The following VSIG1 variants were observed in gnomAD, a reference collection of about 807,000 sequenced individuals.
VSIG1 encodes V-set and immunoglobulin domain containing 1, also known as V-set and immunoglobulin domain-containing protein 1.
In VSIG1, 11 loss-of-function variants were observed where a neutral mutation model predicts 20.1. That is an observed-to-expected ratio of 0.55 (90% CI 0.34 to 0.91). The LOEUF (loss-of-function observed/expected upper bound fraction) is 0.91, where lower values mean the gene tolerates loss of function less well. VSIG1 is among the 40% of genes least tolerant of loss of function. The pLI, the probability that VSIG1 is intolerant of heterozygous loss-of-function variation, is 0.02. For missense variants in VSIG1, 283 were observed against 298.8 expected (o/e 0.95, Z 0.39); for synonymous variants, 126 against 116.7 (o/e 1.08, Z -0.52).
At chrX:108,044,270 A>C (rs1413603558), upstream of VSIG1, among the ~76,000 whole-genome samples, 1 of 111,616 alleles carries the variant, frequency 9.0e-6, no homozygotes, top group Non-Finnish European at 1.9e-5. Context: ...TAATAGGAAC[A>C]CTATTAGAAG....
At chrX:108,035,857 G>A in the VSIG1 span, among the ~76,000 whole-genome samples, 1 of 108,402 alleles carries the variant, frequency 9.2e-6, no homozygotes, top group Admixed American at 1.0e-4. Flanking sequence ...CACATAATGG[G>A]TAAGGGCATG....
At chrX:108,072,239 C>T (rs890027077) in intron 3 of VSIG1, among the ~76,000 whole-genome samples, 1 of 110,010 alleles carries the variant, frequency 9.1e-6, no homozygotes, top group African/African-American at 3.3e-5. Context: ...AAACTGCCAA[C>T]ATACATTTTA....
At chrX:108,054,338 C>T (rs758840495) in intron 1 of VSIG1, among the ~76,000 whole-genome samples, 5 of 111,254 alleles carry the variant, frequency 4.5e-5, no homozygotes, top group Non-Finnish European at 9.5e-5. Flanking sequence ...ATTCAATACC[C>T]CCTCTCAGAA....
intron 1 of VSIG1, among the ~76,000 whole-genome samples, chrX:108,054,321 T>C (rs1169165018): frequency 9.0e-6 from 1 of 111,619 alleles, no homozygotes; most frequent in Non-Finnish European, 1.9e-5. Context: ...ACAATTATAG[T>C]TGGGAAATTC....
chrX:108,067,840 G>A (rs902709270), intron 3 of VSIG1, among the ~76,000 whole-genome samples: 1 of 112,094 alleles, frequency 8.9e-6, no homozygotes, highest in African/African-American at 3.2e-5. Flanking sequence ...AGAGGACAAT[G>A]TGGGCTAAAC....
rs1169933210 is a variant in VSIG1, at chrX:108,077,578, A to G, written c.*197A>G. ...CAGCAAGGGTTCCTGTATTACCAAT[A>G]TAGAATACTAACAATTTTACTAACA... On this transcript the variant is annotated 3_prime_UTR_variant, in exon 7 of 7. Transcript: ENST00000217957. 1.2e-5 allele frequency: 5 copies of G among 413,968 alleles called. No individual in the cohort carries two copies. In the African/African-American group the frequency reaches 1.2e-4, roughly 10 times the overall value. 34.1% of individuals were successfully genotyped at this position (413,968 alleles called of 1,213,427 possible). A position where few individuals can be genotyped will look rare whatever the true frequency, so the allele number is the denominator to read the frequency against.
chrX:108,035,404 T>C, the VSIG1 span, among the ~76,000 whole-genome samples: 4 of 111,381 alleles, frequency 3.6e-5, no homozygotes, highest in Admixed American at 1.9e-4. Context: ...TTTAAAGATA[T>C]TTACAATACT....
At chrX:108,044,863 G>A (rs966581079), upstream of VSIG1, 2 of 255,787 alleles carry the variant, frequency 7.8e-6, no homozygotes, top group Non-Finnish European at 1.4e-5. Context: ...TGTACAAGGA[G>A]CTTGAATAAT....
At chrX:108,032,443 G>A in the VSIG1 span, among the ~76,000 whole-genome samples, 1 of 111,676 alleles carries the variant, frequency 9.0e-6, no homozygotes, top group African/African-American at 3.3e-5. Context: ...TAAAGTCCCT[G>A]TCCTCACAGA....
At chrX:108,034,019 G>T in the VSIG1 span, among the ~76,000 whole-genome samples, 1 of 110,788 alleles carries the variant, frequency 9.0e-6, no homozygotes, top group Non-Finnish European at 1.9e-5. Context: ...GAGGAAGGCT[G>T]CACATTCTTG....
At chrX:108,043,632 C>G (rs2030515099), upstream of VSIG1, among the ~76,000 whole-genome samples, 1 of 111,628 alleles carries the variant, frequency 9.0e-6, no homozygotes, top group Admixed American at 9.6e-5. Flanking sequence ...GAAGAAAACT[C>G]TAGTGATGGA....
At chrX:108,022,613 G>A in the VSIG1 span, among the ~76,000 whole-genome samples, 1 of 111,985 alleles carries the variant, frequency 8.9e-6, no homozygotes, top group Non-Finnish European at 1.9e-5. Context: ...AAACATCCTT[G>A]TTTTGTTCCT....
chrX:108,051,555 T>C (rs1297753947), intron 1 of VSIG1, among the ~76,000 whole-genome samples: 2 of 111,837 alleles, frequency 1.8e-5, no homozygotes, highest in African/African-American at 6.5e-5. Flanking sequence ...AATGTAAATA[T>C]GAGTTTCCTA....
At chrX:108,063,070 C>A (rs916789076) in intron 2 of VSIG1, among the ~76,000 whole-genome samples, 1 of 112,205 alleles carries the variant, frequency 8.9e-6, no homozygotes, top group Non-Finnish European at 1.9e-5. Flanking sequence ...AGGAACTTGG[C>A]ACAGTAGGAA....
the VSIG1 span, among the ~76,000 whole-genome samples, chrX:108,032,984 C>T: frequency 9.0e-6 from 1 of 111,608 alleles, no homozygotes; most frequent in South Asian, 3.8e-4. Flanking sequence ...TCTCTCCTTA[C>T]CCAGAGCCCT....
the VSIG1 span, among the ~76,000 whole-genome samples, chrX:108,037,636 T>G: frequency 8.9e-6 from 1 of 112,310 alleles, no homozygotes; most frequent in South Asian, 3.6e-4. Context: ...TTTAGGACAT[T>G]TAAAAAACAT....
intron 1 of VSIG1, among the ~76,000 whole-genome samples, chrX:108,047,961 CATAT>C (rs1172282311): frequency 0.062 from 1,231 of 19,876 alleles, 62 homozygotes; most frequent in Non-Finnish European, 0.073. Context: ...TATACACACA[CATAT>C]ATATATATAT....
chrX:108,073,259 C>G lies in VSIG1; in HGVS notation c.578C>G (p.Thr193Ser). ...TCCCTGGTTTCAACAGACCCAACCA[C>G]CGGGATTTTGGTCATTGGAAATCTG... ...VPVKENFNPTTGILVIGNLTN... is the reference protein window; with the variant it reads ...VPVKENFNPTSGILVIGNLTN... The change falls in exon 5 of 7, where the codon ACC becomes AGC. Residue 193 changes from threonine to serine, a missense_variant. Transcript: ENST00000217957. 8.3e-7 allele frequency: 1 copy of G among 1,211,163 alleles called. No individual in the cohort carries two copies.
intron 2 of VSIG1, among the ~76,000 whole-genome samples, chrX:108,066,555 A>G (rs966650182): frequency 3.6e-5 from 4 of 111,111 alleles, no homozygotes; most frequent in Non-Finnish European, 5.7e-5. Flanking sequence ...AAAAAAAATG[A>G]TGGTTTTGGT....
Sources: allele counts gnomAD v4.1 joint callset (sites outside exome capture counted in the v4.1 genomes callset), GRCh38; gene constraint gnomAD v4.1.1; transcripts MANE v1.5; gene names NCBI Gene and HGNC (gene_info 2026-07-23, HGNC 2026-07-21).